The following BEND5 variants were observed in gnomAD, a reference collection of about 807,000 sequenced individuals.
BEND5 encodes the protein BEN domain containing 5.
BEND5 carries 22 observed loss-of-function variants against 43.9 expected under a neutral mutation model. That is an observed-to-expected ratio of 0.50 (90% confidence interval 0.36 to 0.72). The LOEUF (loss-of-function observed/expected upper bound fraction) is 0.72. BEND5 is among the 30% of genes least tolerant of loss of function. The pLI is 0.00. For synonymous variants in BEND5, 228 were observed against 225.9 expected (o/e 1.01, Z -0.08); for missense variants, 428 against 550.6 (o/e 0.78, Z 2.23).
intron 5 of BEND5, among the ~76,000 whole-genome samples, chr1:48,728,818 T>G (rs1488576269): frequency 6.6e-6 from 1 of 152,242 alleles, no homozygotes; most frequent in Non-Finnish European, 1.5e-5. Context: ...CAACAGTGTA[T>G]GCAAGTAGTA....
chr1:48,761,237 G>A, intron 2 of BEND5, 100 bp downstream of exon 2: 1 of 1,233,566 alleles, frequency 8.1e-7, no homozygotes, highest in Non-Finnish European at 1.1e-6. Context: ...GATACCAGGG[G>A]ACATTTACAT....
chr1:48,758,442 A>G (rs1183912132), intron 3 of BEND5, among the ~76,000 whole-genome samples: 1 of 152,188 alleles, frequency 6.6e-6, no homozygotes, highest in Non-Finnish European at 1.5e-5. Context: ...TCAGTTACAA[A>G]TAACCTCTCC....
chr1:48,754,561 G>C (rs552998817), intron 3 of BEND5, among the ~76,000 whole-genome samples: 4 of 152,172 alleles, frequency 2.6e-5, no homozygotes, highest in African/African-American at 4.8e-5. Flanking sequence ...ATTTGGGGGA[G>C]GAGGGGCAGG....
intron 5 of BEND5, among the ~76,000 whole-genome samples, chr1:48,728,498 T>TA (rs397791176): frequency 2.7e-5 from 4 of 149,320 alleles, no homozygotes; most frequent in African/African-American, 9.7e-5. Flanking sequence ...TTTTTTTTTT[T>TA]ACTCAAATGT....
intron 3 of BEND5, among the ~76,000 whole-genome samples, chr1:48,745,271 C>T (rs1353255912): frequency 1.3e-5 from 2 of 152,116 alleles, no homozygotes; most frequent in African/African-American, 2.4e-5. Context: ...GAGGCATGGA[C>T]AGGTGGGAAG....
chr1:48,728,478 C>T (rs1171444929), intron 5 of BEND5, among the ~76,000 whole-genome samples: 1 of 119,922 alleles, frequency 8.3e-6, no homozygotes, highest in East Asian at 2.7e-4. Context: ...ATCATTCTGA[C>T]TTGCTTTTTT....
chr1:48,755,569 T>C (rs1187155263), intron 3 of BEND5, among the ~76,000 whole-genome samples: 3 of 152,174 alleles, frequency 2.0e-5, no homozygotes, highest in African/African-American at 4.8e-5. Context: ...ACCCAGGACA[T>C]GTTTCTCAGA....
chr1:48,728,178 T>C (rs1210347389), intron 5 of BEND5, 135 bp from the exon 6 acceptor site: 1 of 753,210 alleles, frequency 1.3e-6, no homozygotes. Context: ...AGCTATATTT[T>C]AAAATTTGCA....
intron 1 of BEND5, among the ~76,000 whole-genome samples, chr1:48,772,908 C>T (rs1422611343): frequency 1.3e-5 from 2 of 152,260 alleles, no homozygotes. Flanking sequence ...CTTTATTTAG[C>T]ACTTACTTTG....
intron 5 of BEND5, among the ~76,000 whole-genome samples, chr1:48,734,300 C>T (rs1406230793): frequency 6.6e-6 from 1 of 152,164 alleles, no homozygotes; most frequent in Non-Finnish European, 1.5e-5. Context: ...TAGCTTTGAC[C>T]TCAGGCTGGT....
intron 5 of BEND5, among the ~76,000 whole-genome samples, chr1:48,734,896 C>G (rs1466708182): frequency 6.6e-6 from 1 of 152,168 alleles, no homozygotes; most frequent in Non-Finnish European, 1.5e-5. Context: ...GTCTTACTTT[C>G]TTTATGAAGA....
chr1:48,734,472 C>T (rs990825769), intron 5 of BEND5, among the ~76,000 whole-genome samples: 5 of 152,194 alleles, frequency 3.3e-5, no homozygotes, highest in African/African-American at 1.2e-4. Flanking sequence ...CACTCCATGA[C>T]TGGAAGACCT....
At chr1:48,735,082 G>A (rs537176265) in intron 5 of BEND5, among the ~76,000 whole-genome samples, 188 of 152,264 alleles carry the variant, frequency 1.2e-3, no homozygotes, top group Non-Finnish European at 2.1e-3. Flanking sequence ...GCCAACAGTA[G>A]GGTTGCTATG....
At chr1:48,759,793 AT>A (rs1644158330) in intron 2 of BEND5, among the ~76,000 whole-genome samples, 3 of 152,342 alleles carry the variant, frequency 2.0e-5, no homozygotes, top group Admixed American at 6.5e-5. Context: ...TTCATCGACA[AT>A]GCTTTAGATG....
chr1:48,763,466 T>A (rs1465166158), intron 1 of BEND5, among the ~76,000 whole-genome samples: 1 of 151,972 alleles, frequency 6.6e-6, no homozygotes, highest in Non-Finnish European at 1.5e-5. Flanking sequence ...GCAATGGTGT[T>A]TTTTTGTGTG....
chr1:48,757,690 C>T (rs111493867), intron 3 of BEND5, among the ~76,000 whole-genome samples: 4 of 152,252 alleles, frequency 2.6e-5, no homozygotes, highest in African/African-American at 9.6e-5. Flanking sequence ...GCAAATGACA[C>T]CTACAAATAT....
rs370173515 is a variant in BEND5, at chr1:48,775,014, A to G, written c.226+1592T>C. Reference sequence around the variant, plus strand: ...GGGAAGCTAAGGTTACAACCTAGTTATAACTTCCTCAAGCCTATCGTCTTG... The same window carrying G: ...GGGAAGCTAAGGTTACAACCTAGTTGTAACTTCCTCAAGCCTATCGTCTTG... On this transcript the variant is annotated intron_variant, in intron 1 of 5. Transcript: ENST00000371833. 3.3e-5 allele frequency among the ~76,000 whole-genome samples: 5 copies of G among 152,382 alleles called. No homozygotes were observed. The East Asian group carries it at 7.7e-4, about 23-fold the overall frequency.
chr1:48,740,368 A>G (rs1649729637), intron 4 of BEND5, among the ~76,000 whole-genome samples: 1 of 152,204 alleles, frequency 6.6e-6, no homozygotes, highest in Admixed American at 6.5e-5. Flanking sequence ...ATGTAATTAT[A>G]GAGGAGTCCC....
At chr1:48,740,809 T>C (rs1197690059) in intron 4 of BEND5, among the ~76,000 whole-genome samples, 2 of 152,194 alleles carry the variant, frequency 1.3e-5, no homozygotes, top group Non-Finnish European at 2.9e-5. Context: ...ACTTCTGGGA[T>C]GTGGAGATGC....
Sources: allele counts gnomAD v4.1 joint callset (sites outside exome capture counted in the v4.1 genomes callset), GRCh38; gene constraint gnomAD v4.1.1; transcripts MANE v1.5; gene names NCBI Gene and HGNC (gene_info 2026-07-23, HGNC 2026-07-21).